Variants in NFATC1 observed in about 807,000 individuals in gnomAD.
NFATC1 encodes the protein nuclear factor of activated T-cells, cytoplasmic 1.
A neutral mutation model predicts 76.0 loss-of-function variants in NFATC1; 22 were observed. That is an observed-to-expected ratio of 0.29 (90% confidence interval 0.21 to 0.41). The LOEUF (loss-of-function observed/expected upper bound fraction) is 0.41, where lower values mean the gene tolerates loss of function less well. NFATC1 is among the 10% of genes least tolerant of loss of function. The pLI, the probability that NFATC1 is intolerant of heterozygous loss-of-function variation, is 1.00. For missense variants in NFATC1, 1,357 were observed against 1,337.7 expected (o/e 1.01, Z -0.23); for synonymous variants, 704 against 613.1 (o/e 1.15, Z -2.19).
chr18:79,492,641 G>A (rs1330160436), intron 9 of NFATC1, among the ~76,000 whole-genome samples: 1 of 151,806 alleles, frequency 6.6e-6, no homozygotes, highest in Admixed American at 6.6e-5. Flanking sequence ...CCTGGGAGGC[G>A]GAGCTTGCAG....
At chr18:79,489,667 T>C (rs1189612226) in intron 9 of NFATC1, among the ~76,000 whole-genome samples, 1 of 151,942 alleles carries the variant, frequency 6.6e-6, no homozygotes, top group Non-Finnish European at 1.5e-5. Context: ...GACCCAGGGG[T>C]TTCTGTGTTG....
chr18:79,455,775 ATCCCACGGCCGCCCCATCCCACG>A (rs1355748439), intron 6 of NFATC1, among the ~76,000 whole-genome samples: 1 of 10,792 alleles, frequency 9.3e-5, no homozygotes, highest in Non-Finnish European at 2.3e-4. Flanking sequence ...CGGCCGCCCC[ATCCCACGGCCGCCCCATCCCACG>A]GCCGCCCCAT....
At chr18:79,455,655 C>T (rs1244853658) in intron 6 of NFATC1, among the ~76,000 whole-genome samples, 2 of 152,170 alleles carry the variant, frequency 1.3e-5, no homozygotes, top group Non-Finnish European at 2.9e-5. Context: ...AGGCCCCCAG[C>T]CCAGCACATC....
chr18:79,461,407 A>C (rs1395764849), intron 7 of NFATC1, 41 bp downstream of exon 7: 1 of 1,610,930 alleles, frequency 6.2e-7, no homozygotes, highest in East Asian at 2.2e-5. Flanking sequence ...GTGGGTCCCC[A>C]GGGCTTGGGA....
chr18:79,449,836 C>T (rs531009577), intron 4 of NFATC1, among the ~76,000 whole-genome samples: 2 of 152,108 alleles, frequency 1.3e-5, no homozygotes, highest in Admixed American at 6.5e-5. Flanking sequence ...TGAGGGAGAG[C>T]GTGTAGGAGA....
chr18:79,466,451 G>T (rs1272488751), intron 7 of NFATC1, among the ~76,000 whole-genome samples: 1 of 152,174 alleles, frequency 6.6e-6, no homozygotes, highest in Non-Finnish European at 1.5e-5. Flanking sequence ...TCAGGGGCCC[G>T]AGTAACGCTG....
chr18:79,429,343 A>G (rs1368599880), intron 2 of NFATC1, among the ~76,000 whole-genome samples: 3 of 151,600 alleles, frequency 2.0e-5, no homozygotes, highest in African/African-American at 7.3e-5. Context: ...GACCAGGTGG[A>G]TGTTGGATGC....
At chr18:79,444,992 CG>C in intron 3 of NFATC1, among the ~76,000 whole-genome samples, 1 of 152,358 alleles carries the variant, frequency 6.6e-6, no homozygotes, top group Non-Finnish European at 1.5e-5. Flanking sequence ...TGTCCCACTT[CG>C]GGCAGGTGAG....
chr18:79,471,740 C>T (rs1215242334), intron 8 of NFATC1, among the ~76,000 whole-genome samples: 1 of 152,230 alleles, frequency 6.6e-6, no homozygotes, highest in African/African-American at 2.4e-5. Context: ...ATGACCCAGG[C>T]ACAGAAACAG....
At chr18:79,450,140 G>T (rs2087399803) in intron 4 of NFATC1, among the ~76,000 whole-genome samples, 1 of 152,204 alleles carries the variant, frequency 6.6e-6, no homozygotes. Flanking sequence ...CCGCAGCCAG[G>T]ACCGCGCTCC....
intron 1 of NFATC1, chr18:79,400,125 T>TCG (rs1455055625): frequency 9.1e-5 from 80 of 880,740 alleles, no homozygotes; most frequent in Middle Eastern, 5.1e-4. Flanking sequence ...ACCCCTGCGG[T>TCG]CGCGCGCGCG....
intron 3 of NFATC1, 61 bp from the exon 4 acceptor site, chr18:79,448,721 C>CGCA (rs1376992089): frequency 2.1e-5 from 32 of 1,549,532 alleles, no homozygotes; most frequent in Middle Eastern, 3.6e-4. Context: ...CTCTGCGTTC[C>CGCA]GGTGACTCCC....
intron 6 of NFATC1, among the ~76,000 whole-genome samples, chr18:79,460,816 C>T (rs987991044): frequency 3.3e-5 from 5 of 152,200 alleles, no homozygotes; most frequent in African/African-American, 1.2e-4. Context: ...TCCTGCATCC[C>T]TGGGAGGCTG....
intron 4 of NFATC1, among the ~76,000 whole-genome samples, chr18:79,449,365 G>A (rs1039918507): frequency 4.6e-5 from 7 of 152,224 alleles, no homozygotes; most frequent in South Asian, 2.1e-4. Context: ...AGGAGGTTCC[G>A]ACAACACGGA....
At chr18:79,409,317 TCCCTATCCATTCATTCATC>T (rs1202712294) in intron 1 of NFATC1, among the ~76,000 whole-genome samples, 33 of 126,358 alleles carry the variant, frequency 2.6e-4, no homozygotes, top group Non-Finnish European at 4.9e-4. Flanking sequence ...ATTCCTCCAT[TCCCTATCCATTCATTCATC>T]CATCCATCCA....
chr18:79,492,401 A>G (rs2089706568), intron 9 of NFATC1, among the ~76,000 whole-genome samples: 1 of 152,168 alleles, frequency 6.6e-6, no homozygotes, highest in African/African-American at 2.4e-5. Context: ...CATCTCTACT[A>G]AAAATACAAA....
chr18:79,514,509 T>G (rs1249347931), intron 9 of NFATC1, among the ~76,000 whole-genome samples: 39 of 132,438 alleles, frequency 2.9e-4, no homozygotes, highest in African/African-American at 9.5e-4. Flanking sequence ...AAGGCTGCAG[T>G]GAGCTGTGAT....
chr18:79,430,121 C>T (rs1052608823), intron 2 of NFATC1, among the ~76,000 whole-genome samples: 36 of 152,200 alleles, frequency 2.4e-4, no homozygotes, highest in African/African-American at 6.5e-4. Context: ...GGCCTAAGGA[C>T]GCGTTTTTCA....
chr18:79,512,829 G>A (rs142198550), intron 9 of NFATC1, among the ~76,000 whole-genome samples: 301 of 152,346 alleles, frequency 2.0e-3, no homozygotes, highest in Non-Finnish European at 3.7e-3. Flanking sequence ...CCTTCTCCAC[G>A]TGCTGCGGGG....
Sources: gnomAD v4.1 joint callset for allele counts (sites outside exome capture counted in the v4.1 genomes callset) on GRCh38, gnomAD v4.1.1 for gene constraint, MANE v1.5 for transcripts, NCBI Gene and HGNC (gene_info 2026-07-23, HGNC 2026-07-21) for gene names.